Variants in TYW1B observed in about 807,000 individuals in gnomAD.
The protein encoded by TYW1B is S-adenosyl-L-methionine-dependent tRNA 4-demethylwyosine synthase TYW1B.
A neutral mutation model predicts 86.9 loss-of-function variants in TYW1B; 73 were observed. The ratio of observed to expected loss-of-function variants is 0.84; its 90% CI spans 0.70 to 1.02. The LOEUF is 1.02. Ranked by LOEUF, TYW1B falls within the 50% of genes least tolerant of loss-of-function variation. TYW1B has a pLI of 0.00. For synonymous variants in TYW1B, 248 were observed against 292.8 expected (o/e 0.85, Z 1.56); for missense variants, 637 against 827.4 (o/e 0.77, Z 2.82).
chr7:72,685,711 C>A (rs35931860), intron 11 of TYW1B, among the ~76,000 whole-genome samples: 5 of 152,012 alleles, frequency 3.3e-5, no homozygotes, highest in Non-Finnish European at 7.4e-5. Flanking sequence ...GAGTTCTAGA[C>A]GATAACACAG....
chr7:72,798,776 G>A (rs1289366489), intron 6 of TYW1B, among the ~76,000 whole-genome samples: 1 of 152,178 alleles, frequency 6.6e-6, no homozygotes, highest in Non-Finnish European at 1.5e-5. Context: ...TCGCCTAACT[G>A]AGTATGTCAT....
intron 8 of TYW1B, among the ~76,000 whole-genome samples, chr7:72,730,919 G>T (rs1787092489): frequency 8.3e-6 from 1 of 120,016 alleles, no homozygotes; most frequent in South Asian, 3.1e-4. Flanking sequence ...TTCCTAAAAT[G>T]GATTAAATGC....
intron 11 of TYW1B, among the ~76,000 whole-genome samples, chr7:72,653,610 A>AAATAATAATAATAATAAT (rs61287709): frequency 4.0e-5 from 6 of 150,510 alleles, no homozygotes; most frequent in African/African-American, 1.2e-4. Context: ...CCGTCTCAAA[A>AAATAATAATAATAATAAT]AATAATAATA....
chr7:72,753,895 T>C (rs59624051), intron 7 of TYW1B, among the ~76,000 whole-genome samples: 14,364 of 152,122 alleles, frequency 0.094, 1,193 homozygotes, highest in East Asian at 0.33. Flanking sequence ...AGTGCAAACA[T>C]GACTTTTATA....
chr7:72,771,458 G>C (rs1247084444), intron 7 of TYW1B, among the ~76,000 whole-genome samples: 1 of 152,102 alleles, frequency 6.6e-6, no homozygotes, highest in African/African-American at 2.4e-5. Context: ...TCATTTTAAA[G>C]AATCATTTAA....
intron 2 of TYW1B, among the ~76,000 whole-genome samples, chr7:72,824,689 C>T (rs1330101756): frequency 1.3e-5 from 2 of 151,516 alleles, no homozygotes; most frequent in South Asian, 2.1e-4. Flanking sequence ...TGTGGTGAGC[C>T]GAGATCACAC....
intron 7 of TYW1B, among the ~76,000 whole-genome samples, chr7:72,771,974 G>GT (rs1787876516): frequency 6.6e-6 from 1 of 151,348 alleles, no homozygotes; most frequent in African/African-American, 2.4e-5. Flanking sequence ...AGACTCCCAC[G>GT]TAATTGGGAC....
At chr7:72,598,221 C>T (rs1811581394) in intron 13 of TYW1B, among the ~76,000 whole-genome samples, 1 of 152,170 alleles carries the variant, frequency 6.6e-6, no homozygotes, top group Non-Finnish European at 1.5e-5. Context: ...CGGGCCTAGC[C>T]TCCCACCCTA....
chr7:72,799,536 G>A (rs1554475242), intron 6 of TYW1B, among the ~76,000 whole-genome samples: 1 of 151,424 alleles, frequency 6.6e-6, no homozygotes, highest in African/African-American at 2.4e-5. Flanking sequence ...CGCGATCTCG[G>A]CTCACTACAA....
chr7:72,610,209 T>C (rs2129568274), intron 13 of TYW1B, among the ~76,000 whole-genome samples: 1 of 152,294 alleles, frequency 6.6e-6, no homozygotes, highest in South Asian at 2.1e-4. Context: ...CGTTAGGGTA[T>C]ATCTGGTGTT....
chr7:72,677,664 G>A (rs1351024848), intron 11 of TYW1B, among the ~76,000 whole-genome samples: 2 of 152,024 alleles, frequency 1.3e-5, no homozygotes, highest in East Asian at 3.9e-4. Context: ...CATGCACCCT[G>A]CTAAGGTTCA....
intron 12 of TYW1B, among the ~76,000 whole-genome samples, chr7:72,627,512 T>TA (rs1554439099): frequency 0.034 from 4,823 of 141,912 alleles, 74 homozygotes; most frequent in East Asian, 0.12. Context: ...TAACATAACA[T>TA]AAATAAAATA....
At chr7:72,753,868 T>C (rs1186100202) in intron 7 of TYW1B, among the ~76,000 whole-genome samples, 2 of 152,192 alleles carry the variant, frequency 1.3e-5, no homozygotes, top group Non-Finnish European at 2.9e-5. Context: ...TATTGCATAC[T>C]TAACAGACTA....
intron 7 of TYW1B, among the ~76,000 whole-genome samples, chr7:72,766,178 A>T (rs531311652): frequency 6.6e-6 from 1 of 152,380 alleles, no homozygotes; most frequent in Non-Finnish European, 1.5e-5. Flanking sequence ...AAAACAGCTC[A>T]TAACGTTACA....
At chr7:72,669,700 G>A (rs1263355091) in intron 11 of TYW1B, among the ~76,000 whole-genome samples, 2 of 152,030 alleles carry the variant, frequency 1.3e-5, no homozygotes, top group Non-Finnish European at 2.9e-5. Context: ...AACCCGGGAG[G>A]CAGAGACTTC....
intron 11 of TYW1B, among the ~76,000 whole-genome samples, chr7:72,678,791 C>T (rs34494742): frequency 1.3e-3 from 194 of 152,112 alleles, no homozygotes; most frequent in Non-Finnish European, 6.2e-4. Context: ...CCGCCTGCCT[C>T]AGCCTCCCAA....
intron 10 of TYW1B, among the ~76,000 whole-genome samples, chr7:72,700,331 C>CGG (rs1563063820): frequency 6.6e-6 from 1 of 151,782 alleles, no homozygotes; most frequent in Non-Finnish European, 1.5e-5. Flanking sequence ...CCCACCACCA[C>CGG]GCCCAGCTAA....
intron 7 of TYW1B, among the ~76,000 whole-genome samples, chr7:72,749,763 G>A (rs779722189): frequency 3.8e-5 from 2 of 52,384 alleles, no homozygotes; most frequent in Non-Finnish European, 8.5e-5. Context: ...TCTGTTTCTT[G>A]AGGTAGGAAC....
chr7:72,632,388 G>GTATA (rs565541864), intron 11 of TYW1B, among the ~76,000 whole-genome samples: 1 of 70,330 alleles, frequency 1.4e-5, no homozygotes, highest in Non-Finnish European at 2.4e-5. Flanking sequence ...ATATATATAC[G>GTATA]TATATATATA....
Sources: gnomAD v4.1 joint callset for allele counts (sites outside exome capture counted in the v4.1 genomes callset) on GRCh38, gnomAD v4.1.1 for gene constraint, MANE v1.5 for transcripts, NCBI Gene and HGNC (gene_info 2026-07-23, HGNC 2026-07-21) for gene names.